FFAR1: variants seen among roughly 807,000 people sequenced by gnomAD.
FFAR1 encodes G-protein coupled receptor 40.
For synonymous variants in FFAR1, 216 were observed against 201.5 expected (o/e 1.07, Z -0.61); for missense variants, 424 against 396.2 (o/e 1.07, Z -0.60).
At chr19:35,350,043 G>A (rs2066937545), upstream of FFAR1, among the ~76,000 whole-genome samples, 2 of 152,168 alleles carry the variant, frequency 1.3e-5, no homozygotes, top group African/African-American at 4.8e-5. Flanking sequence ...CACATTCCCT[G>A]TGCCTTGGGG....
At chr19:35,353,737 C>A (rs1017294132) in exon 1 of FFAR1, 1 of 152,230 alleles carries the variant, frequency 6.6e-6, no homozygotes, top group Non-Finnish European at 1.5e-5. Context: ...GCAGTTCAAC[C>A]CTTTTTTATA....
exon 1 of FFAR1, chr19:35,353,838 G>A (rs1212195942): frequency 6.6e-6 from 1 of 152,240 alleles, no homozygotes; most frequent in Admixed American, 6.5e-5. Context: ...AAAGTTTACG[G>A]TATTGCATTA....
upstream of FFAR1, among the ~76,000 whole-genome samples, chr19:35,349,603 G>A (rs2066935996): frequency 6.6e-6 from 1 of 152,210 alleles, no homozygotes; most frequent in Non-Finnish European, 1.5e-5. Context: ...TGGTGTCTTT[G>A]AGGGAGTTAG....
chr19:35,353,509 T>C (rs1033945618), exon 1 of FFAR1: 2 of 152,072 alleles, frequency 1.3e-5, no homozygotes, highest in Non-Finnish European at 2.9e-5. Context: ...AAAAGACATA[T>C]TTTGTATGTT....
chr19:35,350,937 G>A (rs1242624525), upstream of FFAR1, among the ~76,000 whole-genome samples: 1 of 152,134 alleles, frequency 6.6e-6, no homozygotes, highest in African/African-American at 2.4e-5. Context: ...AAGCTCAACC[G>A]TGACATGGAT....
At chr19:35,351,855 G>T in exon 1 of FFAR1, 1 of 1,612,624 alleles carries the variant, frequency 6.2e-7, no homozygotes. Context: ...CGCCCTGAGT[G>T]CAGGCCGCTA....
exon 1 of FFAR1, chr19:35,351,881 C>T (rs1265118304): frequency 3.7e-6 from 6 of 1,613,876 alleles, no homozygotes; most frequent in Non-Finnish European, 5.1e-6. Context: ...GAGCAGCCTT[C>T]CCCTTGGGCT....
chr19:35,348,115 C>T (rs981383399), upstream of FFAR1, among the ~76,000 whole-genome samples: 4 of 152,240 alleles, frequency 2.6e-5, no homozygotes, highest in East Asian at 1.9e-4. Flanking sequence ...GCTCCTGGCA[C>T]GTGGCAGGTG....
At chr19:35,351,635 A>G in exon 1 of FFAR1, 1 of 1,545,350 alleles carries the variant, frequency 6.5e-7, no homozygotes, top group Non-Finnish European at 8.7e-7. Flanking sequence ...TGGCCATCCG[A>G]GGCGCGACGG....
exon 1 of FFAR1, chr19:35,351,586 A>T (rs1272926150): frequency 6.5e-7 from 1 of 1,541,214 alleles, no homozygotes; most frequent in South Asian, 1.2e-5. Context: ...TTCGGCCTCT[A>T]TGTGGCCGCC....
At chr19:35,352,152 T>C (rs777936531) in exon 1 of FFAR1, 2 of 1,610,198 alleles carry the variant, frequency 1.2e-6, no homozygotes, top group South Asian at 2.2e-5. Flanking sequence ...CACAGCCTTC[T>C]GCTACGTGGG....
exon 1 of FFAR1, chr19:35,352,806 C>A: frequency 5.8e-6 from 2 of 346,094 alleles, no homozygotes; most frequent in Non-Finnish European, 5.4e-6. Flanking sequence ...GTTTCTGACC[C>A]ACAGGAACTG....
chr19:35,348,963 T>C (rs1467171892), upstream of FFAR1, among the ~76,000 whole-genome samples: 1 of 152,190 alleles, frequency 6.6e-6, no homozygotes, highest in African/African-American at 2.4e-5. Flanking sequence ...ACATGGCTGA[T>C]TGACCATGAG....
At position 35,352,352 on chromosome 19, in the gene FFAR1, G is replaced by A. The variant is rs1332540923; in HGVS notation, c.801G>A (p.Trp267Ter). The A allele has an allele frequency of 4.5e-6, 7 of 1,552,430 alleles. No individual in the cohort carries two copies. Among genetic ancestry groups the A allele is most frequent in the Non-Finnish European group, 6.1e-6 (7 of 1,147,762 alleles). Residue 267 changes from tryptophan to a stop codon, truncating the protein, a stop_gained, in exon 1 of 1, where the codon TGG becomes TGA. Transcript: ENST00000246553. LOFTEE classifies it low-confidence loss of function (END_TRUNC). ...AGCTGGGGCTCATCACGGGTGCCTG[G>A]AGTGTGGTGCTTAATCCGCTGGTGA...
chr19:35,352,719 T>A (rs1332427428), exon 1 of FFAR1: 4 of 541,578 alleles, frequency 7.4e-6, no homozygotes, highest in Non-Finnish European at 1.3e-5. Context: ...TTCTCTCCCC[T>A]CTGCACGTCC....
At chr19:35,348,243 T>C (rs2066929343), upstream of FFAR1, among the ~76,000 whole-genome samples, 1 of 152,184 alleles carries the variant, frequency 6.6e-6, no homozygotes, top group Non-Finnish European at 1.5e-5. Context: ...ATCAATCCAC[T>C]TTGTCCCTGG....
At chr19:35,350,054 A>G (rs2066937626), upstream of FFAR1, among the ~76,000 whole-genome samples, 1 of 152,080 alleles carries the variant, frequency 6.6e-6, no homozygotes, top group Non-Finnish European at 1.5e-5. Context: ...TGCCTTGGGG[A>G]GTGTCCCCCA....
At chr19:35,352,017 A>G in exon 1 of FFAR1, 1 of 1,612,396 alleles carries the variant, frequency 6.2e-7, no homozygotes, top group Non-Finnish European at 8.5e-7. Flanking sequence ...CCACAGCAAC[A>G]CCTCCCTGGG....
chr19:35,350,757 G>A (rs376062506), upstream of FFAR1, among the ~76,000 whole-genome samples: 13 of 152,150 alleles, frequency 8.5e-5, no homozygotes, highest in African/African-American at 2.6e-4. Context: ...CTCCCCTTCC[G>A]GCTCACTGCC....
Sources: gnomAD v4.1 joint callset for allele counts (sites outside exome capture counted in the v4.1 genomes callset) on GRCh38, gnomAD v4.1.1 for gene constraint, MANE v1.5 for transcripts, NCBI Gene and HGNC (gene_info 2026-07-23, HGNC 2026-07-21) for gene names.